MED13L: variants seen among roughly 807,000 people sequenced by gnomAD.
MED13L encodes the protein mediator complex subunit 13L, also known as mediator of RNA polymerase II transcription subunit 13-like.
Under a neutral mutation model 220.9 loss-of-function variants are expected in MED13L, and 7 were observed. That is an observed-to-expected ratio of 0.03 (90% confidence interval 0.02 to 0.06). MED13L has a LOEUF of 0.06. MED13L is among the 10% of genes least tolerant of loss of function. The pLI is 1.00. For synonymous variants in MED13L, 1,011 were observed against 1,015.2 expected, an observed-to-expected ratio of 1.00 and a Z score of 0.08; for missense variants, 1,965 against 2,760.5, an observed-to-expected ratio of 0.71 and a Z score of 6.46.
chr12:115,961,255 T>G lies in MED13L; in HGVS notation c.*11A>C, dbSNP rs199672295. 3 of 1,614,018 alleles carry G rather than the reference T, an allele frequency of 1.9e-6. No individual in the cohort carries two copies. The African/African-American group carries it at 4.0e-5, about 22-fold the overall frequency. ...AAGGAACTGAGCCAGAGAGAACAAG[T>G]GCTTTTCCAATTAAAGTATATTCAT... On this transcript the variant is annotated 3_prime_UTR_variant, in exon 31 of 31. Transcript: ENST00000281928.
In MED13L at chr12:115,959,321, T is replaced by C. The variant is rs1222440093; in HGVS notation, c.*1945A>G. On this transcript the variant is annotated 3_prime_UTR_variant, in exon 31 of 31. Transcript: ENST00000281928. The stretch of plus-strand genomic sequence containing the variant: ...AGGGGTTTTTTATTTTTTGTGTTTT[T>C]TTTCTTTTTCTGCTTAGAATTGGGT... 6.6e-6 allele frequency: 1 copy of C among 151,624 alleles called. No individual in the cohort carries two copies. Among genetic ancestry groups the C allele is most frequent in the East Asian group, 1.9e-4 (1 of 5,196 alleles). 9.4% of individuals were successfully genotyped at this position (151,624 alleles called of 1,614,324 possible).
At position 116,259,750 on chromosome 12, in the gene MED13L, C is replaced by A. The variant is rs377466090; in HGVS notation, c.72+17310G>T. Among the ~76,000 whole-genome samples the A allele has an allele frequency of 1.2e-3, 183 of 152,116 alleles. 2 individuals are homozygous for A. Among genetic ancestry groups the A allele is most frequent in the African/African-American group, 4.3e-3 (180 of 41,508 alleles). On this transcript the variant is annotated intron_variant, in intron 1 of 30. Coordinates refer to ENST00000281928, the MANE Select transcript of MED13L (RefSeq NM_015335.5). ...CAAGAAAAAAAAATCTGGAATAATA[C>A]AAATTAAACCTCTGGAAGTTACCTT...
At chr12:116,172,081 C>T (rs1879721082) in intron 2 of MED13L, among the ~76,000 whole-genome samples, 1 of 152,128 alleles carries the variant, frequency 6.6e-6, no homozygotes, top group African/African-American at 2.4e-5. Context: ...AGCCCAGTGA[C>T]CTAAAACTGC....
In MED13L at chr12:116,124,146, G is replaced by GAC. The variant is rs1355711257; in HGVS notation, c.311-12635_311-12634insGT. On this transcript the variant is annotated intron_variant, in intron 2 of 30. Coordinates refer to ENST00000281928, the MANE Select transcript of MED13L (RefSeq NM_015335.5). ...GACGAGAGAGAGAGAGAGAGAGAGA[G>GAC]AGAGACAGAGACAGAGAGAGACAGA... Among the ~76,000 whole-genome samples the GAC allele has an allele frequency of 6.2e-4, 92 of 148,288 alleles. 1 individual carries two copies. Among genetic ancestry groups the GAC allele is most frequent in the African/African-American group, 1.5e-3 (62 of 40,380 alleles).
intron 2 of MED13L, among the ~76,000 whole-genome samples, chr12:116,181,006 C>G (rs1880481536): frequency 6.7e-6 from 1 of 149,428 alleles, no homozygotes; most frequent in South Asian, 2.1e-4. Context: ...TCTCAGCTCA[C>G]TGCAACCTCT....
intron 1 of MED13L, among the ~76,000 whole-genome samples, chr12:116,251,179 G>T (rs1024363075): frequency 6.7e-6 from 1 of 149,712 alleles, no homozygotes; most frequent in South Asian, 2.1e-4. Context: ...GAACAGATGG[G>T]ACCAATAGGG....
chr12:116,260,367 G>A (rs1407358819), intron 1 of MED13L, among the ~76,000 whole-genome samples: 5 of 152,218 alleles, frequency 3.3e-5, no homozygotes, highest in Admixed American at 2.0e-4. Context: ...CCATTTTAGC[G>A]CTTAACTGAG....
chr12:116,156,402 T>TAAAAAAAAAAAAA (rs11366103), intron 2 of MED13L, among the ~76,000 whole-genome samples: 17 of 119,436 alleles, frequency 1.4e-4, no homozygotes, highest in African/African-American at 4.7e-4. Context: ...TCCAATTACT[T>TAAAAAAAAAAAAA]AAAAAAAAAA....
intron 1 of MED13L, among the ~76,000 whole-genome samples, chr12:116,260,237 AATTTAC>A (rs575369387): frequency 7.9e-5 from 12 of 152,210 alleles, no homozygotes; most frequent in Non-Finnish European, 8.8e-5. Flanking sequence ...AGGCTGAATT[AATTTAC>A]AGCCAATCTA....
intron 1 of MED13L, chr12:116,276,804 G>T: frequency 8.3e-7 from 1 of 1,208,760 alleles, no homozygotes; most frequent in Non-Finnish European, 1.1e-6. Context: ...CCGCAGCTCC[G>T]AGACTTCCAC....
At chr12:116,226,627 G>C (rs1869026664) in intron 2 of MED13L, among the ~76,000 whole-genome samples, 1 of 152,170 alleles carries the variant, frequency 6.6e-6, no homozygotes, top group Non-Finnish European at 1.5e-5. Flanking sequence ...CCAGCGCTTT[G>C]GGAGGCCCAG....
chr12:116,012,974 T>C, intron 8 of MED13L, 73 bp from the exon 9 acceptor site: 1 of 1,057,204 alleles, frequency 9.5e-7, no homozygotes, highest in Non-Finnish European at 1.5e-6. Flanking sequence ...TGTTCAAGAG[T>C]TGAATACATT....
At chr12:115,999,386 G>A (rs2137341877) in intron 14 of MED13L, among the ~76,000 whole-genome samples, 1 of 150,870 alleles carries the variant, frequency 6.6e-6, no homozygotes, top group Admixed American at 6.6e-5. Flanking sequence ...GAAAGACTCT[G>A]TCTCAAAAAA....
chr12:116,216,987 A>G (rs2138375088), intron 2 of MED13L, among the ~76,000 whole-genome samples: 1 of 152,372 alleles, frequency 6.6e-6, no homozygotes, highest in South Asian at 2.1e-4. Flanking sequence ...GGAAGAAAAA[A>G]TTTTAATACT....
At chr12:116,116,806 A>G (rs2137927632) in intron 2 of MED13L, among the ~76,000 whole-genome samples, 2 of 151,760 alleles carry the variant, frequency 1.3e-5, no homozygotes, top group South Asian at 4.2e-4. Flanking sequence ...ATGTAGGGGA[A>G]ACACCTGCTC....
chr12:116,155,183 G>A (rs1469507483), intron 2 of MED13L, among the ~76,000 whole-genome samples: 1 of 152,132 alleles, frequency 6.6e-6, no homozygotes, highest in African/African-American at 2.4e-5. Context: ...CAGCACTTTG[G>A]GAGGCCAAGG....
At chr12:116,234,053 G>A (rs1284865144) in intron 2 of MED13L, among the ~76,000 whole-genome samples, 13 of 152,070 alleles carry the variant, frequency 8.5e-5, no homozygotes, top group South Asian at 2.1e-4. Context: ...ACATCTCACC[G>A]TGAGGTTTCT....
rs781346440 is a variant in MED13L, at chr12:116,008,659, T to C, written c.1754A>G (p.Asn585Ser). The C allele has an allele frequency of 1.2e-6, 2 of 1,614,068 alleles. No individual in the cohort carries two copies. Among genetic ancestry groups the C allele is most frequent in the East Asian group, 2.2e-5 (1 of 44,846 alleles). ...AGACAACTGCTGGAGTTCTAGTCCA[T>C]TTCCATAAAGGGCTGGATTCACAGG... is the stretch of plus-strand genomic sequence containing the variant. ...SVPVNPALYG[N>S]GLELQQLSTL... The change falls in exon 10 of 31, where the codon AAT (asparagine) becomes AGT (serine). Residue 585 changes from asparagine to serine, a missense_variant. Transcript: ENST00000281928.
At chr12:116,225,227 T>C (rs896447477) in intron 2 of MED13L, among the ~76,000 whole-genome samples, 1 of 152,202 alleles carries the variant, frequency 6.6e-6, no homozygotes, top group Non-Finnish European at 1.5e-5. Context: ...TAATCACTGA[T>C]ATTGCTGTAT....
Sources: allele counts gnomAD v4.1 joint callset (sites outside exome capture counted in the v4.1 genomes callset), GRCh38; gene constraint gnomAD v4.1.1; transcripts MANE v1.5; gene names NCBI Gene and HGNC (gene_info 2026-07-23, HGNC 2026-07-21).